LYN: variants seen among roughly 807,000 people sequenced by gnomAD.
LYN encodes the protein tyrosine-protein kinase Lyn.
In LYN, 12 loss-of-function variants were observed where a neutral mutation model predicts 65.0. That is an observed-to-expected ratio of 0.18 (90% CI 0.12 to 0.30). LYN has a LOEUF of 0.30. Ranked by LOEUF, LYN falls within the 10% of genes least tolerant of loss-of-function variation. The probability of loss-of-function intolerance (pLI) is 1.00; values close to 1 mark genes in which losing one functional copy is unlikely to be tolerated. For missense variants in LYN, 380 were observed against 623.2 expected (o/e 0.61, Z 4.16); for synonymous variants, 222 against 221.2 (o/e 1.00, Z -0.03).
chr8:55,966,266 C>T (rs566958787), intron 8 of LYN, among the ~76,000 whole-genome samples: 1 of 152,252 alleles, frequency 6.6e-6, no homozygotes, highest in African/African-American at 2.4e-5. Context: ...TACTTTTCAT[C>T]TAGCCTCCCC....
At chr8:55,906,841 C>CTG (rs948246791) in intron 1 of LYN, among the ~76,000 whole-genome samples, 3 of 152,138 alleles carry the variant, frequency 2.0e-5, no homozygotes, top group African/African-American at 7.2e-5. Flanking sequence ...AGCAGCCCTC[C>CTG]TGTAAGCTGA....
intron 8 of LYN, among the ~76,000 whole-genome samples, chr8:55,958,030 C>A (rs34326950): frequency 0.013 from 1,968 of 152,246 alleles, 18 homozygotes; most frequent in Non-Finnish European, 0.021. Flanking sequence ...GGTGTCAGTG[C>A]GTCCTGCAGG....
chr8:55,932,860 A>G lies in LYN; in HGVS notation c.-5-8995A>G, dbSNP rs191362796. ...GCCATTATCCTAAGTGAATTAATGCAGGAACAGAAAACCAAATTGCAGGCT... is the reference window on the plus strand; with the variant it reads ...GCCATTATCCTAAGTGAATTAATGCGGGAACAGAAAACCAAATTGCAGGCT... On this transcript the variant is annotated intron_variant, in intron 1 of 12. Coordinates refer to ENST00000519728, the MANE Select transcript of LYN (RefSeq NM_002350.4). Among the ~76,000 whole-genome samples, 344 of 152,366 alleles carry G rather than the reference A, an allele frequency of 2.3e-3. 1 individual carries two copies. The highest frequency in any genetic ancestry group is 7.9e-3 in the African/African-American group (327 of 41,592).
chr8:55,940,400 C>T (rs2130470987), intron 1 of LYN: 1 of 152,180 alleles, frequency 6.6e-6, no homozygotes, highest in South Asian at 2.1e-4. Context: ...TTTTTTGAGA[C>T]GGAGTCTTGC....
chr8:55,989,736 G>A (rs1808191139), intron 10 of LYN, among the ~76,000 whole-genome samples: 1 of 152,158 alleles, frequency 6.6e-6, no homozygotes, highest in African/African-American at 2.4e-5. Flanking sequence ...CGAGGTTGAG[G>A]ACCATGGCTC....
intron 1 of LYN, among the ~76,000 whole-genome samples, chr8:55,910,171 T>A (rs6986187): frequency 0.68 from 103,575 of 151,400 alleles, 35,523 homozygotes; most frequent in East Asian, 0.95. Context: ...TTTGTCTACT[T>A]TTGTTTTTGT....
chr8:55,952,157 T>C (rs1806968798), intron 7 of LYN, 42 bp downstream of exon 7: 3 of 1,511,626 alleles, frequency 2.0e-6, no homozygotes. Flanking sequence ...GATATATTTG[T>C]TATGATATGT....
At chr8:55,936,048 T>C (rs1806425517) in intron 1 of LYN, among the ~76,000 whole-genome samples, 1 of 152,220 alleles carries the variant, frequency 6.6e-6, no homozygotes, top group South Asian at 2.1e-4. Context: ...TTAAAGGGTA[T>C]CTAAAGGTTT....
intron 10 of LYN, among the ~76,000 whole-genome samples, chr8:55,984,242 TG>T (rs973426960): frequency 6.6e-6 from 1 of 152,184 alleles, no homozygotes; most frequent in East Asian, 1.9e-4. Context: ...TCGTGAGTTT[TG>T]GGGGGACATT....
intron 8 of LYN, among the ~76,000 whole-genome samples, chr8:55,961,982 A>G (rs1807293097): frequency 6.6e-6 from 1 of 150,694 alleles, no homozygotes; most frequent in Non-Finnish European, 1.5e-5. Flanking sequence ...ATGGGGATGT[A>G]TGCATCCCCC....
chr8:56,004,416 C>T (rs1026999880), intron 12 of LYN, among the ~76,000 whole-genome samples: 5 of 151,518 alleles, frequency 3.3e-5, no homozygotes, highest in Non-Finnish European at 7.4e-5. Context: ...GCCTCAGCCT[C>T]CTGAGTTGCT....
intron 1 of LYN, among the ~76,000 whole-genome samples, chr8:55,909,948 T>C (rs939209256): frequency 1.3e-5 from 2 of 151,918 alleles, no homozygotes; most frequent in Non-Finnish European, 2.9e-5. Context: ...ATTCATGTTC[T>C]TTGCCCACTT....
At position 55,989,666 on chromosome 8, in the gene LYN, ATT is replaced by A. The variant is rs566133932; in HGVS notation, c.1051-8678_1051-8677del. On this transcript the variant is annotated intron_variant, in intron 10 of 12. Transcript: ENST00000519728. ...CAAATGTTTCTAAAACTTTGGTCTC[ATT>A]TAACCAAACCAAAAACCATCTGAGA... Among the ~76,000 whole-genome samples, 720 of 152,296 alleles carry A rather than the reference ATT, an allele frequency of 4.7e-3. 6 individuals are homozygous for A. Among genetic ancestry groups the A allele is most frequent in the Non-Finnish European group, 4.6e-3 (311 of 68,024 alleles).
intron 12 of LYN, among the ~76,000 whole-genome samples, chr8:56,005,138 C>T (rs114064602): frequency 6.6e-6 from 1 of 152,144 alleles, no homozygotes; most frequent in Non-Finnish European, 1.5e-5. Context: ...GAAAGGTCCC[C>T]CACTCTATTC....
chr8:55,981,220 T>G (rs1319978190), intron 10 of LYN, among the ~76,000 whole-genome samples: 3 of 152,186 alleles, frequency 2.0e-5, no homozygotes, highest in Admixed American at 6.5e-5. Context: ...ACCTTCCTTC[T>G]GAAGCAGTTC....
chr8:55,969,666 T>G (rs1807555845), intron 9 of LYN, 51 bp from the exon 10 acceptor site: 1 of 1,384,418 alleles, frequency 7.2e-7, no homozygotes, highest in Admixed American at 1.7e-5. Context: ...TTTGTTTGGA[T>G]TTTTTCTTGT....
intron 1 of LYN, among the ~76,000 whole-genome samples, chr8:55,911,103 ACACG>A (rs1263702788): frequency 2.5e-3 from 9 of 3,668 alleles, no homozygotes; most frequent in South Asian, 6.4e-3. Context: ...ATATATACAT[ACACG>A]TATATATACG....
chr8:55,930,119 C>T (rs1806217526), intron 1 of LYN, among the ~76,000 whole-genome samples: 1 of 152,148 alleles, frequency 6.6e-6, no homozygotes, highest in Non-Finnish European at 1.5e-5. Flanking sequence ...CCCACCTGAC[C>T]CCGCTCTGTG....
chr8:55,996,763 G>T (rs1185872637), intron 10 of LYN, among the ~76,000 whole-genome samples: 1 of 152,050 alleles, frequency 6.6e-6, no homozygotes, highest in Non-Finnish European at 1.5e-5. Flanking sequence ...TCAGCAACGA[G>T]TAGTAGTTTT....
Sources: gnomAD v4.1 joint callset for allele counts (sites outside exome capture counted in the v4.1 genomes callset) on GRCh38, gnomAD v4.1.1 for gene constraint, MANE v1.5 for transcripts, NCBI Gene and HGNC (gene_info 2026-07-23, HGNC 2026-07-21) for gene names.